SSR1: variants seen among roughly 807,000 people sequenced by gnomAD.
SSR1 encodes translocon-associated protein subunit alpha.
Under a neutral mutation model 36.1 loss-of-function variants are expected in SSR1, and 13 were observed. The observed-to-expected ratio is 0.36, with a 90% CI of 0.23 to 0.57. The LOEUF is 0.57. Ranked by LOEUF, SSR1 falls within the 20% of genes least tolerant of loss-of-function variation. SSR1 has a pLI of 0.81. For missense variants in SSR1, 291 were observed against 338.5 expected (o/e 0.86, Z 1.10); for synonymous variants, 113 against 118.9 (o/e 0.95, Z 0.32).
At chr6:7,310,726 T>TA (rs1463776212) in intron 1 of SSR1, among the ~76,000 whole-genome samples, 3 of 151,814 alleles carry the variant, frequency 2.0e-5, no homozygotes, top group Admixed American at 2.0e-4. Flanking sequence ...GCCTGGCCAA[T>TA]ACAGAGAAAC....
intron 7 of SSR1, among the ~76,000 whole-genome samples, chr6:7,291,613 A>G (rs1189390006): frequency 6.6e-6 from 1 of 152,214 alleles, no homozygotes; most frequent in Non-Finnish European, 1.5e-5. Flanking sequence ...AAAGTCTACA[A>G]CTTTTATCAG....
intron 7 of SSR1, among the ~76,000 whole-genome samples, chr6:7,291,489 A>G (rs1405079074): frequency 6.6e-6 from 1 of 152,188 alleles, no homozygotes; most frequent in East Asian, 1.9e-4. Flanking sequence ...TGTGAAAAAA[A>G]CCCAGAAAAC....
intron 7 of SSR1, 114 bp from the exon 8 acceptor site, chr6:7,290,045 T>C (rs1320246526): frequency 1.0e-5 from 8 of 779,612 alleles, no homozygotes; most frequent in Non-Finnish European, 1.3e-5. Flanking sequence ...CACACATGGG[T>C]GAACACCATC....
intron 1 of SSR1, among the ~76,000 whole-genome samples, chr6:7,311,873 A>G (rs1250733363): frequency 3.3e-5 from 5 of 152,240 alleles, no homozygotes; most frequent in African/African-American, 7.2e-5. Flanking sequence ...AATAGTTCTA[A>G]AACTAAAACT....
Position 7,281,328 on chromosome 6 carries a change from CT to C in SSR1, c.*8535del, listed in dbSNP as rs71718729. On this transcript the variant is annotated 3_prime_UTR_variant, in exon 8 of 8. Transcript: ENST00000244763. ...CAAATAACAGAAATGTTTCTCAAAG[CT>C]GCACAAGAATTTTAAGGATTCATGA... is the stretch of plus-strand genomic sequence containing the variant. 0.091 allele frequency: 13,910 copies of C among 152,242 alleles called. 982 individuals carry two copies. The highest frequency in any genetic ancestry group is 0.33 in the East Asian group (1,724 of 5,176). The allele number at this position is 152,242 out of a possible 1,614,324, so 9.4% of individuals were successfully genotyped here. A position where few individuals can be genotyped will look rare whatever the true frequency, so the allele number is the denominator to read the frequency against.
chr6:7,307,865 A>C (rs1055888647), intron 2 of SSR1, among the ~76,000 whole-genome samples: 3 of 152,232 alleles, frequency 2.0e-5, no homozygotes, highest in Non-Finnish European at 4.4e-5. Context: ...AGTACATTCT[A>C]GTGCCAGAGA....
intron 3 of SSR1, among the ~76,000 whole-genome samples, chr6:7,302,997 G>T (rs1178512311): frequency 6.6e-6 from 1 of 151,520 alleles, no homozygotes; most frequent in East Asian, 1.9e-4. Context: ...TTAGCCAGGC[G>T]TGGTGGCACG....
chr6:7,295,003 A>G, intron 7 of SSR1: 1 of 1,293,378 alleles, frequency 7.7e-7, no homozygotes, highest in Non-Finnish European at 1.0e-6. Context: ...TCCATTACTC[A>G]TTAAACTTGA....
At chr6:7,298,355 TA>T (rs1325182187) in intron 5 of SSR1, among the ~76,000 whole-genome samples, 1 of 152,084 alleles carries the variant, frequency 6.6e-6, no homozygotes, top group Non-Finnish European at 1.5e-5. Flanking sequence ...AAGTTTAGAG[TA>T]AAAAAAGATT....
chr6:7,309,834 G>T, intron 2 of SSR1, 83 bp downstream of exon 2: 2 of 1,130,960 alleles, frequency 1.8e-6, no homozygotes, highest in South Asian at 1.2e-5. Context: ...ACCCAGTCTT[G>T]GGTATGTCTT....
chr6:7,306,939 G>A (rs1581636788), intron 2 of SSR1, among the ~76,000 whole-genome samples: 1 of 131,020 alleles, frequency 7.6e-6, no homozygotes, highest in South Asian at 2.4e-4. Flanking sequence ...GTGGGGGAAA[G>A]CCCAAGGTGA....
Position 7,289,874 on chromosome 6 carries a change from G to A in SSR1, c.851C>T (p.Ser284Phe), listed in dbSNP as rs1757643899. 3.8e-6 allele frequency: 6 copies of A among 1,562,940 alleles called. No homozygotes were observed. In the East Asian group the frequency reaches 9.7e-5, roughly 25 times the overall value. Reference sequence around the variant, plus strand: ...TGCACAAAGGAACATTTACTCATCAGATCCCACTGATCTCTTCTGTGCCCG... The same window carrying A: ...TGCACAAAGGAACATTTACTCATCAAATCCCACTGATCTCTTCTGTGCCCG... ...RKRAQKRSVG[S>F]DE Residue 284 changes from serine (S) to phenylalanine (F), a missense_variant, in exon 8 of 8, where the codon TCT (serine) becomes TTT (phenylalanine). Physicochemically the swap from Ser to Phe is radical, Grantham distance 155. Transcript: ENST00000244763.
intron 6 of SSR1, among the ~76,000 whole-genome samples, chr6:7,296,293 T>C (rs1355361592): frequency 2.6e-5 from 4 of 152,146 alleles, no homozygotes; most frequent in Non-Finnish European, 4.4e-5. Flanking sequence ...CCTAAGTACA[T>C]GGAGAGATAA....
chr6:7,301,420 C>T lies in SSR1; in HGVS notation c.433G>A (p.Val145Ile). The T allele has an allele frequency of 1.2e-6, 2 of 1,614,170 alleles. No individual in the cohort carries two copies. The highest frequency in any genetic ancestry group is 1.7e-6 in the Non-Finnish European group (2 of 1,180,032). ...GTTGCCTGTCTCTGGGGTGGCACTACAGTGTTCAGAGGAAGAGCTGTGAAA... is the reference window on the plus strand; with the variant it reads ...GTTGCCTGTCTCTGGGGTGGCACTATAGTGTTCAGAGGAAGAGCTGTGAAA... The part of the protein sequence containing the change: ...QNFTALPLNT[V>I]VPPQRQATFE... Residue 145 changes from valine (V) to isoleucine (I), a missense_variant, in exon 4 of 8, where the codon GTA becomes ATA. Val to Ile is a conservative substitution (Grantham distance 29, BLOSUM62 3). Transcript: ENST00000244763.
rs1259043559 is a variant in SSR1, at chr6:7,287,342, C to T, written c.*2522G>A. The T allele has an allele frequency of 6.6e-6, 1 of 152,130 alleles. No individual in the cohort carries two copies. Among genetic ancestry groups the T allele is most frequent in the African/African-American group, 2.4e-5 (1 of 41,416 alleles). The allele number at this position is 152,130 out of a possible 1,614,324, so 9.4% of individuals were successfully genotyped here. On this transcript the variant is annotated 3_prime_UTR_variant, in exon 8 of 8. Coordinates refer to ENST00000244763, the MANE Select transcript of SSR1 (RefSeq NM_003144.5). ...TTTTAAGGTCTAAATTTGCCCTTTC[C>T]TCTTATCAAAATCACATTTTCTGAA...
In SSR1 at chr6:7,299,611, T is replaced by C. The variant is rs1390846922; in HGVS notation, c.544-788A>G. On this transcript the variant is annotated intron_variant, in intron 4 of 7. Coordinates refer to ENST00000244763, the MANE Select transcript of SSR1 (RefSeq NM_003144.5). ...TACTCAGGTGGCTGAGGCAGGAGAA[T>C]CACTTGTGCCCAGAAGGCAGAGGTT... is the stretch of plus-strand genomic sequence containing the variant. Among the ~76,000 whole-genome samples, 10 of 150,730 alleles carry C rather than the reference T, an allele frequency of 6.6e-5. No homozygotes were observed. The Admixed American group carries it at 6.6e-4, about 10-fold the overall frequency.
Position 7,295,552 on chromosome 6 carries a change from A to AG in SSR1, c.700-68_700-67insC, listed in dbSNP as rs1757776602. On this transcript the variant is annotated intron_variant, in intron 6 of 7. Coordinates refer to ENST00000244763, the MANE Select transcript of SSR1 (RefSeq NM_003144.5). ...ACCATTTACTTAATATTTTTTAAAA[A>AG]AGAGTTGAGGTCTTGCTATGTTGCC... The AG allele has an allele frequency of 2.4e-6, 3 of 1,225,634 alleles. No individual in the cohort carries two copies. The East Asian group carries it at 8.0e-5, about 33-fold the overall frequency. The allele number at this position is 1,225,634 out of a possible 1,614,324, so 75.9% of individuals were successfully genotyped here.
intron 5 of SSR1, 80 bp from the exon 6 acceptor site, chr6:7,298,081 A>C (rs1331836886): frequency 1.2e-5 from 12 of 1,023,518 alleles, no homozygotes; most frequent in Admixed American, 4.7e-5. Context: ...ATTATAACAC[A>C]TAATAGAAGC....
intron 7 of SSR1, among the ~76,000 whole-genome samples, chr6:7,292,907 G>GA (rs2113275759): frequency 7.9e-6 from 1 of 126,386 alleles, no homozygotes; most frequent in African/African-American, 2.5e-5. Flanking sequence ...CTAGCTCACA[G>GA]AAAGAGACAG....
Sources: allele counts gnomAD v4.1 joint callset (sites outside exome capture counted in the v4.1 genomes callset), GRCh38; gene constraint gnomAD v4.1.1; transcripts MANE v1.5; gene names NCBI Gene and HGNC (gene_info 2026-07-23, HGNC 2026-07-21).